The following DHRS12 variants were observed in gnomAD, a reference collection of about 807,000 sequenced individuals.
DHRS12 encodes dehydrogenase/reductase SDR family member 12.
Under a neutral mutation model 32.1 loss-of-function variants are expected in DHRS12, and 29 were observed. That is an observed-to-expected ratio of 0.90 (90% CI 0.67 to 1.23). The LOEUF (loss-of-function observed/expected upper bound fraction) is 1.23, where lower values mean the gene tolerates loss of function less well. Ranked by LOEUF, DHRS12 falls within the 50% of genes most tolerant of loss-of-function variation. DHRS12 has a pLI of 0.00. For synonymous variants in DHRS12, 150 were observed against 135.9 expected, an observed-to-expected ratio of 1.10 and a Z score of -0.72; for missense variants, 330 against 337.2, an observed-to-expected ratio of 0.98 and a Z score of 0.17.
chr13:51,802,625 C>T (rs1330573281), intron 1 of DHRS12, among the ~76,000 whole-genome samples: 2 of 152,222 alleles, frequency 1.3e-5, no homozygotes, highest in Non-Finnish European at 2.9e-5. Flanking sequence ...TGATTAGATC[C>T]TCCTGCCTTA....
chr13:51,756,217 C>G, the DHRS12 span: 1 of 1,447,946 alleles, frequency 6.9e-7, no homozygotes, highest in Non-Finnish European at 9.3e-7. Flanking sequence ...CTCTCTTGTT[C>G]AGCATCCTCA....
chr13:51,768,878 G>C lies in DHRS12; in HGVS notation c.697+278C>G, dbSNP rs1259557962. 2.2e-6 allele frequency: 3 copies of C among 1,372,306 alleles called. No individual in the cohort carries two copies. In the African/African-American group the frequency reaches 4.5e-5, roughly 20 times the overall value. 85.0% of individuals were successfully genotyped at this position (1,372,306 alleles called of 1,614,324 possible). A position where few individuals can be genotyped will look rare whatever the true frequency, so the allele number is the denominator to read the frequency against. On this transcript the variant is annotated intron_variant, in intron 8 of 8. Coordinates refer to ENST00000444610, the MANE Select transcript of DHRS12 (RefSeq NM_001377533.1). ...CTCCTGGGCCTCAGCAAACTGCAGAGAAAATCTTCCATTCCCAAGGTAGGA... is the reference window on the plus strand; with the variant it reads ...CTCCTGGGCCTCAGCAAACTGCAGACAAAATCTTCCATTCCCAAGGTAGGA...
chr13:51,799,462 G>A (rs1955653703), intron 2 of DHRS12, 72 bp downstream of exon 2: 1 of 1,581,706 alleles, frequency 6.3e-7, no homozygotes, highest in Admixed American at 1.7e-5. Context: ...GACACAGGGT[G>A]CCCTCCTCAG....
intron 1 of DHRS12, among the ~76,000 whole-genome samples, chr13:51,802,827 T>C (rs761795750): frequency 6.6e-6 from 1 of 152,108 alleles, no homozygotes; most frequent in African/African-American, 2.4e-5. Context: ...CCCCCACCAA[T>C]CTGTGGTGGA....
At chr13:51,788,413 A>G (rs111447015) in intron 4 of DHRS12, among the ~76,000 whole-genome samples, 1,988 of 152,256 alleles carry the variant, frequency 0.013, 54 homozygotes, top group African/African-American at 0.046. Context: ...ATTTGTTTTG[A>G]AAAATGCAAC....
Position 51,804,052 on chromosome 13 carries a change from A to C in DHRS12, c.-9+2T>G. 1 of 1,479,280 alleles carries C rather than the reference A, an allele frequency of 6.8e-7. No individual in the cohort carries two copies. The highest frequency in any genetic ancestry group is 8.9e-7 in the Non-Finnish European group (1 of 1,121,796). The allele number at this position is 1,479,280 out of a possible 1,614,324, so 91.6% of individuals were successfully genotyped here. A position where few individuals can be genotyped will look rare whatever the true frequency, so the allele number is the denominator to read the frequency against. ...GCCCCGCGCCCCGCCGCGCCGCCTT[A>C]CTTGGTGTACTCGCGCAGCCCCTTG... On this transcript the variant is annotated splice_donor_variant, in intron 1 of 8. Coordinates refer to ENST00000444610, the MANE Select transcript of DHRS12 (RefSeq NM_001377533.1). LOFTEE classifies it low-confidence loss of function (5UTR_SPLICE).
intron 4 of DHRS12, among the ~76,000 whole-genome samples, chr13:51,781,892 C>T (rs902418410): frequency 3.9e-5 from 6 of 152,142 alleles, no homozygotes; most frequent in South Asian, 2.1e-4. Flanking sequence ...AGCCTCTGTT[C>T]GGGAGGTGGG....
chr13:51,769,394 G>A lies in DHRS12; in HGVS notation c.560-101C>T, dbSNP rs544316976. The A allele has an allele frequency of 4.9e-6, 5 of 1,014,158 alleles. No individual in the cohort carries two copies. The East Asian group carries it at 8.6e-5, about 17-fold the overall frequency. 62.8% of individuals were successfully genotyped at this position (1,014,158 alleles called of 1,614,324 possible). The stretch of plus-strand genomic sequence containing the variant: ...AAAAAAAAAGTGCAAAAATGAAATG[G>A]GATCATAAACTGCTCCTTCTATTTT... On this transcript the variant is annotated intron_variant, in intron 7 of 8. Coordinates refer to ENST00000444610, the MANE Select transcript of DHRS12 (RefSeq NM_001377533.1).
downstream of DHRS12, chr13:51,767,408 T>C (rs1211695800): frequency 1.3e-5 from 2 of 152,206 alleles, no homozygotes; most frequent in Non-Finnish European, 2.9e-5. Context: ...CCTTGGCTGA[T>C]GATGAGCCCT....
chr13:51,804,107 C>T lies in DHRS12; in HGVS notation c.-62G>A, dbSNP rs1464071655. ...ACCACACGACGCTGCGGTACAGGGA[C>T]ATGCCGGGAGCGCCCCACGCCTAGC... On this transcript the variant is annotated 5_prime_UTR_variant, in exon 1 of 9. It removes an upstream start codon present in the reference 5' UTR. Transcript: ENST00000444610. 6.7e-7 allele frequency: 1 copy of T among 1,490,620 alleles called. No individual in the cohort carries two copies. The highest frequency in any genetic ancestry group is 8.9e-7 in the Non-Finnish European group (1 of 1,126,454). The allele number at this position is 1,490,620 out of a possible 1,614,324, so 92.3% of individuals were successfully genotyped here.
chr13:51,799,689 G>A, intron 1 of DHRS12, 22 bp from the exon 2 acceptor site: 1 of 1,612,028 alleles, frequency 6.2e-7, no homozygotes, highest in Non-Finnish European at 8.5e-7. Flanking sequence ...AGACCCACAG[G>A]AAGACCAGCT....
intron 2 of DHRS12, among the ~76,000 whole-genome samples, chr13:51,798,469 C>T (rs921828055): frequency 2.0e-5 from 3 of 152,188 alleles, no homozygotes; most frequent in Non-Finnish European, 1.5e-5. Flanking sequence ...AGAATGCCTT[C>T]GCCGTGGCAG....
chr13:51,772,583 G>C (rs1954083193), intron 6 of DHRS12: 1 of 970,428 alleles, frequency 1.0e-6, no homozygotes, highest in Non-Finnish European at 1.2e-6. Flanking sequence ...GGAGATGGAG[G>C]TTGCAGTATA....
At chr13:51,772,512 G>A (rs577382445) in intron 6 of DHRS12, among the ~76,000 whole-genome samples, 1 of 152,268 alleles carries the variant, frequency 6.6e-6, no homozygotes, top group African/African-American at 2.4e-5. Flanking sequence ...AAATGATTTG[G>A]ATTTTGGAGC....
intron 6 of DHRS12, chr13:51,772,903 G>A: frequency 1.0e-6 from 1 of 985,466 alleles, no homozygotes; most frequent in South Asian, 4.7e-5. Flanking sequence ...GCAAAACTGG[G>A]GCACACCCAG....
chr13:51,783,371 T>C (rs1954810645), intron 4 of DHRS12, among the ~76,000 whole-genome samples: 1 of 152,140 alleles, frequency 6.6e-6, no homozygotes, highest in South Asian at 2.1e-4. Flanking sequence ...CAAGAAACAA[T>C]CATAATGAAT....
At chr13:51,792,783 C>T (rs1021619917) in intron 2 of DHRS12, among the ~76,000 whole-genome samples, 3 of 152,094 alleles carry the variant, frequency 2.0e-5, no homozygotes, top group Non-Finnish European at 2.9e-5. Context: ...TAAGTTACGT[C>T]GTTGTTTGTT....
chr13:51,797,835 G>A (rs770765646), intron 2 of DHRS12: 12 of 1,535,126 alleles, frequency 7.8e-6, no homozygotes, highest in South Asian at 3.6e-5. Flanking sequence ...CCTGGTTACC[G>A]CTCTCCCGGA....
At chr13:51,757,714 T>C in the DHRS12 span, among the ~76,000 whole-genome samples, 2 of 152,064 alleles carry the variant, frequency 1.3e-5, no homozygotes, top group Admixed American at 6.5e-5. Context: ...TTTAGAATAC[T>C]ATAGAAAAAC....
Sources: gnomAD v4.1 joint callset for allele counts (sites outside exome capture counted in the v4.1 genomes callset) on GRCh38, gnomAD v4.1.1 for gene constraint, MANE v1.5 for transcripts, NCBI Gene and HGNC (gene_info 2026-07-23, HGNC 2026-07-21) for gene names.